Variants in ITPR2 observed in about 807,000 individuals in gnomAD.
ITPR2 encodes the protein inositol 1,4,5-trisphosphate receptor type 2.
A neutral mutation model predicts 317.1 loss-of-function variants in ITPR2; 207 were observed. The ratio of observed to expected loss-of-function variants is 0.65; its 90% confidence interval spans 0.58 to 0.73. ITPR2 has a LOEUF of 0.73. Ranked by LOEUF, ITPR2 falls within the 30% of genes least tolerant of loss-of-function variation. The pLI, the probability that ITPR2 is intolerant of heterozygous loss-of-function variation, is 0.00. For missense variants in ITPR2, 2,613 were observed against 3,284.0 expected, an observed-to-expected ratio of 0.80 and a Z score of 4.99; for synonymous variants, 1,156 against 1,149.1, an observed-to-expected ratio of 1.01 and a Z score of -0.12.
At chr12:26,516,305 A>AAG (rs1943509213) in intron 37 of ITPR2, among the ~76,000 whole-genome samples, 5 of 84,904 alleles carry the variant, frequency 5.9e-5, no homozygotes, top group African/African-American at 1.5e-4. Flanking sequence ...AGGAAAGGAA[A>AAG]GGAAAGGAAA....
At position 26,659,152 on chromosome 12, in the gene ITPR2, T is replaced by C; in HGVS notation, c.1847A>G (p.Glu616Gly). The change falls in exon 16 of 57, where the codon GAA (glutamate) becomes GGA (glycine). Residue 616 changes from glutamate to glycine, a missense_variant. By Grantham distance (98) the Glu-to-Gly change is moderately conservative (BLOSUM62 -2). This residue lies in a region of ITPR2 where 515 missense variants were observed against 789.4 expected (regional missense o/e 0.65). Transcript: ENST00000381340. The stretch of plus-strand genomic sequence containing the variant: ...TCTCCTGAGTAAACTGACAAATGTT[T>C]CTATTTCTTTTGCTGTGATATGTTT... Reference protein sequence around the residue: ...LEKHITAKEIETFVSLLRRNR... With the variant: ...LEKHITAKEIGTFVSLLRRNR... 1 of 1,613,634 alleles carries C rather than the reference T, an allele frequency of 6.2e-7. No homozygotes were observed. Among genetic ancestry groups the C allele is most frequent in the Non-Finnish European group, 8.5e-7 (1 of 1,179,738 alleles).
At chr12:26,662,845 G>A (rs751228484) in intron 15 of ITPR2, among the ~76,000 whole-genome samples, 8 of 151,946 alleles carry the variant, frequency 5.3e-5, no homozygotes, top group East Asian at 1.9e-4. Context: ...GGTATTTTTC[G>A]TTTTTGTAGA....
intron 55 of ITPR2, among the ~76,000 whole-genome samples, chr12:26,346,696 A>C (rs1276781587): frequency 6.6e-6 from 1 of 152,034 alleles, no homozygotes; most frequent in Non-Finnish European, 1.5e-5. Context: ...CTGTGGGAAA[A>C]GGAAAATGGG....
At chr12:26,588,532 T>C (rs1376930364) in intron 32 of ITPR2, among the ~76,000 whole-genome samples, 1 of 152,206 alleles carries the variant, frequency 6.6e-6, no homozygotes, top group Non-Finnish European at 1.5e-5. Context: ...AATTATTTTT[T>C]TAAATTGACT....
intron 26 of ITPR2, among the ~76,000 whole-genome samples, chr12:26,612,705 C>T (rs1344844783): frequency 6.6e-6 from 1 of 152,336 alleles, no homozygotes; most frequent in East Asian, 1.9e-4. Context: ...GTACAACAGC[C>T]TCTTAACGGG....
intron 1 of ITPR2, among the ~76,000 whole-genome samples, chr12:26,818,537 A>G (rs1450273016): frequency 1.3e-5 from 2 of 152,238 alleles, no homozygotes; most frequent in African/African-American, 2.4e-5. Context: ...AAAGGTAAAT[A>G]AAAGTCCTTT....
intron 37 of ITPR2, among the ~76,000 whole-genome samples, chr12:26,548,968 G>A (rs1251355460): frequency 6.6e-6 from 1 of 152,064 alleles, no homozygotes; most frequent in Non-Finnish European, 1.5e-5. Context: ...CATAAAAATG[G>A]AAGACTTGCC....
At chr12:26,515,975 G>C (rs1022761638) in intron 37 of ITPR2, among the ~76,000 whole-genome samples, 1 of 150,914 alleles carries the variant, frequency 6.6e-6, no homozygotes, top group Non-Finnish European at 1.5e-5. Context: ...AAAAAGCTGG[G>C]TGTGGTGGTG....
chr12:26,442,360 T>C (rs1189718563), intron 46 of ITPR2, among the ~76,000 whole-genome samples: 1 of 152,194 alleles, frequency 6.6e-6, no homozygotes, highest in Non-Finnish European at 1.5e-5. Flanking sequence ...ATGTGTGAAT[T>C]GGTAGAGAGT....
Position 26,556,251 on chromosome 12 carries a change from C to T in ITPR2, c.4946G>A (p.Cys1649Tyr). 5 of 1,613,790 alleles carry T rather than the reference C, an allele frequency of 3.1e-6. No individual in the cohort carries two copies. Among genetic ancestry groups the T allele is most frequent in the Non-Finnish European group, 4.2e-6 (5 of 1,179,866 alleles). The change falls in exon 36 of 57, where the codon TGT becomes TAT. Residue 1649 changes from cysteine to tyrosine, a missense_variant. Physicochemically the swap from Cys to Tyr is radical, Grantham distance 194. Around this residue, in one of 9 missense-constraint regions of ITPR2, gnomAD observed 926 missense variants for 1,072.8 expected, o/e 0.86. Coordinates refer to ENST00000381340, the MANE Select transcript of ITPR2 (RefSeq NM_002223.4). ...CACTTACTTCGACATGAAAGCGCCACATCTTATTCTTGCATCGCTTCCCTC... is the reference window on the plus strand; with the variant it reads ...CACTTACTTCGACATGAAAGCGCCATATCTTATTCTTGCATCGCTTCCCTC... ...FPEGSDARIR[C>Y]GAFMSKLINH...
chr12:26,663,935 A>G, intron 14 of ITPR2, 89 bp from the exon 15 acceptor site: 2 of 1,196,782 alleles, frequency 1.7e-6, no homozygotes, highest in Non-Finnish European at 2.3e-6. Flanking sequence ...TGATTCAAAA[A>G]ACACTTATAT....
At chr12:26,480,941 C>T (rs1377792673) in intron 43 of ITPR2, among the ~76,000 whole-genome samples, 190 bp downstream of exon 43, 7 of 152,216 alleles carry the variant, frequency 4.6e-5, no homozygotes, top group Admixed American at 3.9e-4. Context: ...AGGAAAGGAC[C>T]TTGCCATGGA....
At chr12:26,534,744 T>C (rs1468109180) in intron 37 of ITPR2, among the ~76,000 whole-genome samples, 1 of 152,200 alleles carries the variant, frequency 6.6e-6, no homozygotes, top group African/African-American at 2.4e-5. Flanking sequence ...GAATTGTCCC[T>C]AGTTTAGATG....
In ITPR2 at chr12:26,716,265, A is replaced by G. The variant is rs189465862; in HGVS notation, c.526-23T>C. On this transcript the variant is annotated intron_variant, in intron 5 of 56. Coordinates refer to ENST00000381340, the MANE Select transcript of ITPR2 (RefSeq NM_002223.4). ...AATCTAGGAAGCAGAAATAAATCACAATTGAGACACTGCATGGATCTTTGG... is the reference window on the plus strand; with the variant it reads ...AATCTAGGAAGCAGAAATAAATCACGATTGAGACACTGCATGGATCTTTGG... The G allele has an allele frequency of 1.5e-4, 216 of 1,452,844 alleles. No homozygotes were observed. In the Admixed American group the frequency reaches 3.6e-3, roughly 24 times the overall value. 90.0% of individuals were successfully genotyped at this position (1,452,844 alleles called of 1,614,324 possible).
Position 26,439,298 on chromosome 12 carries a change from T to C in ITPR2, c.6472A>G (p.Met2158Val), listed in dbSNP as rs1267943974. ...GGGACAGGAAAAACTATTTGTTCCA[T>C]GGTCCTATCATGCCGGACAATCTGA... ...QIEIVRHDRT[M>V]EQIVFPVPNI... The change falls in exon 47 of 57, where the codon ATG becomes GTG. Residue 2158 changes from methionine (M) to valine (V), a missense_variant. Coordinates refer to ENST00000381340, the MANE Select transcript of ITPR2 (RefSeq NM_002223.4). 4 of 1,609,130 alleles carry C rather than the reference T, an allele frequency of 2.5e-6. No individual in the cohort carries two copies. Among genetic ancestry groups the C allele is most frequent in the Non-Finnish European group, 3.4e-6 (4 of 1,177,992 alleles).
chr12:26,421,085 C>T lies in ITPR2; in HGVS notation c.6946-1872G>A, dbSNP rs568867311. Among the ~76,000 whole-genome samples, 59 of 151,626 alleles carry T rather than the reference C, an allele frequency of 3.9e-4. No individual in the cohort carries two copies. In the South Asian group the frequency reaches 1.0e-2, roughly 26 times the overall value. ...TCTCCAAATGAAATCATAAAAATTACGCAGAAAAACTATTTATAAGCTCCA... is the reference window on the plus strand; with the variant it reads ...TCTCCAAATGAAATCATAAAAATTATGCAGAAAAACTATTTATAAGCTCCA... On this transcript the variant is annotated intron_variant, in intron 49 of 56. Transcript: ENST00000381340.
At position 26,359,351 on chromosome 12, in the gene ITPR2, T is replaced by G. The variant is rs147770430; in HGVS notation, c.7858-19023A>C. On this transcript the variant is annotated intron_variant, in intron 55 of 56. Transcript: ENST00000381340. ...AACTAGGATGAAACCAGTCTTGGCA[T>G]CATCCAAATGAGAGGATGCTCAGAT... 3.3e-3 allele frequency among the ~76,000 whole-genome samples: 508 copies of G among 152,290 alleles called. 4 individuals carry two copies. Among genetic ancestry groups the G allele is most frequent in the Non-Finnish European group, 5.5e-3 (372 of 68,022 alleles).
chr12:26,717,415 T>C (rs1043590179), intron 5 of ITPR2, among the ~76,000 whole-genome samples: 8 of 152,324 alleles, frequency 5.3e-5, no homozygotes, highest in African/African-American at 1.7e-4. Flanking sequence ...GATTGAAATA[T>C]AATAGAGAAG....
intron 36 of ITPR2, among the ~76,000 whole-genome samples, chr12:26,551,784 G>T (rs1045569464): frequency 6.6e-6 from 1 of 152,164 alleles, no homozygotes; most frequent in Non-Finnish European, 1.5e-5. Context: ...GCAGAAACCT[G>T]GCCGGCATGT....
Sources: allele counts gnomAD v4.1 joint callset (sites outside exome capture counted in the v4.1 genomes callset), GRCh38; gene constraint gnomAD v4.1.1; regional missense constraint gnomAD v4.1.1; transcripts MANE v1.5; gene names NCBI Gene and HGNC (gene_info 2026-07-23, HGNC 2026-07-21).